The following SORBS2 variants were observed in gnomAD, a reference collection of about 807,000 sequenced individuals.
The protein encoded by SORBS2 is sorbin and SH3 domain containing 2.
Under a neutral mutation model 97.7 loss-of-function variants are expected in SORBS2, and 46 were observed. That is an observed-to-expected ratio of 0.47 (90% CI 0.37 to 0.60). The LOEUF is 0.60. SORBS2 is among the 20% of genes least tolerant of loss of function. The pLI, the probability that SORBS2 is intolerant of heterozygous loss-of-function variation, is 0.00. For missense variants in SORBS2, 1,316 were observed against 1,282.3 expected (o/e 1.03, Z -0.40); for synonymous variants, 476 against 473.4 (o/e 1.01, Z -0.07).
intron 2 of SORBS2, chr4:185,757,188 G>A (rs1168647574): frequency 5.8e-6 from 2 of 342,170 alleles, no homozygotes; most frequent in East Asian, 1.2e-4. Context: ...CCACTTCTTT[G>A]GATCTCAGTG....
At chr4:185,861,966 C>G (rs543804809) in intron 1 of SORBS2, among the ~76,000 whole-genome samples, 41 of 152,278 alleles carry the variant, frequency 2.7e-4, no homozygotes, top group African/African-American at 9.9e-4. Context: ...CAACTGGAAG[C>G]TGGGCAAGGC....
chr4:185,830,995 A>C (rs2099204790), intron 1 of SORBS2, among the ~76,000 whole-genome samples: 1 of 152,062 alleles, frequency 6.6e-6, no homozygotes, highest in African/African-American at 2.4e-5. Context: ...TGCTCTTTAT[A>C]ACTCTTCCTT....
At chr4:185,613,959 G>A (rs1446053653) in intron 11 of SORBS2, among the ~76,000 whole-genome samples, 2 of 152,026 alleles carry the variant, frequency 1.3e-5, no homozygotes, top group African/African-American at 2.4e-5. Context: ...GCTCTTCATC[G>A]CACCTGGCTA....
exon 15 of SORBS2, chr4:185,587,555 G>T: frequency 2.2e-6 from 3 of 1,357,274 alleles, no homozygotes; most frequent in Non-Finnish European, 3.1e-6. Flanking sequence ...CGGGAGGCCC[G>T]CGGGGTGTTT....
rs34337257 is a variant in SORBS2, at chr4:185,938,389, T to TACACACACACACACACACACAC, written c.-338+17785_-338+17806dup. On this transcript the variant is annotated intron_variant, in intron 1 of 20. Transcript: ENST00000284776. ...TCTCACCCAGAAAAATGTAGACACA[T>TACACACACACACACACACACAC]ACACACACACACACACACACACACA... 4.4e-5 allele frequency among the ~76,000 whole-genome samples: 6 copies of TACACACACACACACACACACAC among 136,524 alleles called. No individual in the cohort carries two copies. In the East Asian group the frequency reaches 9.0e-4, roughly 20 times the overall value. 89.6% of individuals were successfully genotyped at this position (136,524 alleles called of 152,430 possible).
chr4:185,880,282 G>T (rs762075913), intron 1 of SORBS2, among the ~76,000 whole-genome samples: 2 of 152,226 alleles, frequency 1.3e-5, no homozygotes, highest in African/African-American at 2.4e-5. Context: ...ATGGTTGCAG[G>T]TGTATTTTGT....
At chr4:185,635,860 T>C (rs1295795143) in intron 4 of SORBS2, among the ~76,000 whole-genome samples, 1 of 152,104 alleles carries the variant, frequency 6.6e-6, no homozygotes, top group Admixed American at 6.5e-5. Context: ...TTTTATTTTA[T>C]TTTATTTTAT....
chr4:185,866,673 C>T (rs1296881630), intron 1 of SORBS2, among the ~76,000 whole-genome samples: 1 of 152,214 alleles, frequency 6.6e-6, no homozygotes, highest in African/African-American at 2.4e-5. Flanking sequence ...TTCTAATCTA[C>T]ATAACAAATT....
intron 2 of SORBS2, among the ~76,000 whole-genome samples, chr4:185,742,987 A>C (rs2098736806): frequency 6.6e-6 from 1 of 151,994 alleles, no homozygotes; most frequent in South Asian, 2.1e-4. Flanking sequence ...CAGCGAATGC[A>C]CCTCCCAGCC....
chr4:185,854,760 A>G (rs1271531667), intron 1 of SORBS2, among the ~76,000 whole-genome samples: 1 of 150,932 alleles, frequency 6.6e-6, no homozygotes, highest in Admixed American at 6.6e-5. Flanking sequence ...AGAGGAATGA[A>G]GAAGCTGCAC....
chr4:185,630,434 T>G, intron 5 of SORBS2, 115 bp downstream of exon 17: 1 of 537,334 alleles, frequency 1.9e-6, no homozygotes, highest in Non-Finnish European at 3.2e-6. Context: ...GGCATGGTAC[T>G]TCAAATAAAA....
At chr4:185,892,711 C>G (rs956006751) in intron 1 of SORBS2, among the ~76,000 whole-genome samples, 4 of 152,124 alleles carry the variant, frequency 2.6e-5, no homozygotes, top group African/African-American at 9.7e-5. Context: ...AATGAAGTAC[C>G]TGGAGAAGTC....
intron 1 of SORBS2, chr4:185,775,693 A>G (rs2098996651): frequency 6.6e-6 from 1 of 152,252 alleles, no homozygotes; most frequent in Non-Finnish European, 1.5e-5. Flanking sequence ...AGTTTTCAAA[A>G]TGAATTACCT....
At position 185,842,362 on chromosome 4, in the gene SORBS2, A is replaced by T. The variant is rs1005260807; in HGVS notation, c.-337-66996T>A. On this transcript the variant is annotated intron_variant, in intron 1 of 20. Coordinates refer to the SORBS2 transcript ENST00000284776. Reference sequence around the variant, plus strand: ...GGTCCATGTGACTAGAGCAGAGTGGACAAGAAGGAAAGTGTCAGAAGATGA... The same window carrying T: ...GGTCCATGTGACTAGAGCAGAGTGGTCAAGAAGGAAAGTGTCAGAAGATGA... Among the ~76,000 whole-genome samples the T allele has an allele frequency of 3.9e-5, 6 of 152,336 alleles. No homozygotes were observed. The East Asian group carries it at 1.2e-3, about 29-fold the overall frequency.
chr4:185,951,872 T>C (rs573520437), intron 1 of SORBS2, among the ~76,000 whole-genome samples: 2 of 152,324 alleles, frequency 1.3e-5, no homozygotes, highest in Non-Finnish European at 2.9e-5. Context: ...CAATATTTTC[T>C]ATGTGACAGG....
intron 2 of SORBS2, among the ~76,000 whole-genome samples, chr4:185,724,972 C>A (rs188060527): frequency 1.3e-5 from 2 of 152,194 alleles, no homozygotes; most frequent in Non-Finnish European, 2.9e-5. Flanking sequence ...CCATTTATCT[C>A]TCACTGCTCC....
chr4:185,796,066 T>G (rs1034583795), intron 1 of SORBS2, among the ~76,000 whole-genome samples: 3 of 152,196 alleles, frequency 2.0e-5, no homozygotes, highest in Non-Finnish European at 4.4e-5. Flanking sequence ...GGAAATTCCC[T>G]TATTTTTTTT....
intron 2 of SORBS2, among the ~76,000 whole-genome samples, chr4:185,712,733 G>A (rs545952824): frequency 1.3e-5 from 2 of 152,276 alleles, no homozygotes; most frequent in South Asian, 2.1e-4. Context: ...GGGTTCCAGC[G>A]CTCATGCACG....
chr4:185,886,580 A>G (rs1039318948), intron 1 of SORBS2, among the ~76,000 whole-genome samples: 4 of 114,700 alleles, frequency 3.5e-5, no homozygotes, highest in Non-Finnish European at 7.9e-5. Context: ...AAAAGAAAAG[A>G]AAAAAAAAAG....
Sources: gnomAD v4.1 joint callset for allele counts (sites outside exome capture counted in the v4.1 genomes callset) on GRCh38, gnomAD v4.1.1 for gene constraint, MANE v1.5 for transcripts, NCBI Gene and HGNC (gene_info 2026-07-23, HGNC 2026-07-21) for gene names.